Variants in STK3 observed in about 807,000 individuals in gnomAD.
STK3 encodes serine/threonine kinase 3.
Under a neutral mutation model 58.0 loss-of-function variants are expected in STK3, and 41 were observed. That is an observed-to-expected ratio of 0.71 (90% CI 0.55 to 0.92). STK3 has a LOEUF of 0.92. Among genes scored for constraint, STK3 ranks in the 40% least tolerant of loss-of-function variants. The probability of loss-of-function intolerance (pLI) is 0.00; values close to 1 mark genes in which losing one functional copy is unlikely to be tolerated. For missense variants in STK3, 479 were observed against 602.7 expected, an observed-to-expected ratio of 0.79 and a Z score of 2.15; for synonymous variants, 170 against 191.0, an observed-to-expected ratio of 0.89 and a Z score of 0.91.
intron 4 of STK3, among the ~76,000 whole-genome samples, chr8:98,737,576 A>G (rs1828709447): frequency 6.6e-6 from 1 of 152,254 alleles, no homozygotes; most frequent in South Asian, 2.1e-4. Flanking sequence ...TAACAAAAAT[A>G]TATGAGATAC....
intron 1 of STK3, chr8:98,883,951 C>G: frequency 2.0e-6 from 1 of 498,774 alleles, no homozygotes; most frequent in Admixed American, 3.2e-5. Flanking sequence ...GAGGGGAGAG[C>G]AAAGGAAGCA....
At chr8:98,932,359 C>T (rs1371123327) in intron 1 of STK3, among the ~76,000 whole-genome samples, 2 of 152,126 alleles carry the variant, frequency 1.3e-5, no homozygotes, top group Non-Finnish European at 2.9e-5. Context: ...TTTAAGGACC[C>T]ATGAAGGCTA....
At chr8:98,738,605 G>A (rs572418678) in intron 4 of STK3, among the ~76,000 whole-genome samples, 11 of 152,222 alleles carry the variant, frequency 7.2e-5, no homozygotes, top group East Asian at 3.9e-4. Context: ...TTCTGGATCC[G>A]GGAGCCAAGA....
Position 98,455,489 on chromosome 8 carries a change from T to C in STK3, c.*353A>G, listed in dbSNP as rs1819426060. ...AATAGCCTAGTATACTAGATAGGAA[T>C]AAAGAATATTGTAACATAAAGCCCT... On this transcript the variant is annotated 3_prime_UTR_variant, in exon 11 of 11. Transcript: ENST00000419617. 5.0e-6 allele frequency: 1 copy of C among 200,688 alleles called. No individual in the cohort carries two copies. Among genetic ancestry groups the C allele is most frequent in the South Asian group, 1.2e-4 (1 of 8,676 alleles). 12.4% of individuals were successfully genotyped at this position (200,688 alleles called of 1,614,324 possible).
intron 1 of STK3, among the ~76,000 whole-genome samples, chr8:98,818,262 C>A (rs1339590536): frequency 1.3e-5 from 2 of 152,170 alleles, no homozygotes; most frequent in Non-Finnish European, 2.9e-5. Flanking sequence ...CAAGCTACAA[C>A]AAGAGTGTAT....
chr8:98,700,696 A>G (rs972723717), intron 6 of STK3, among the ~76,000 whole-genome samples: 6 of 152,190 alleles, frequency 3.9e-5, no homozygotes, highest in Admixed American at 1.3e-4. Flanking sequence ...AACATTCAGT[A>G]TTGCATTGCA....
At chr8:98,474,832 T>G (rs759641215) in intron 10 of STK3, among the ~76,000 whole-genome samples, 5 of 152,232 alleles carry the variant, frequency 3.3e-5, no homozygotes, top group Non-Finnish European at 7.3e-5. Context: ...GCAATCATTT[T>G]TTAAATTTCT....
intron 4 of STK3, among the ~76,000 whole-genome samples, chr8:98,714,316 A>G (rs1161556382): frequency 2.0e-5 from 3 of 152,208 alleles, no homozygotes; most frequent in African/African-American, 7.2e-5. Flanking sequence ...AGGGTATTCA[A>G]TTAGGAAAAG....
At chr8:98,607,974 T>C (rs1325920657) in intron 6 of STK3, among the ~76,000 whole-genome samples, 1 of 152,148 alleles carries the variant, frequency 6.6e-6, no homozygotes, top group East Asian at 1.9e-4. Flanking sequence ...TGAATAAAGA[T>C]CTATTCCAAG....
chr8:98,876,146 G>A (rs1837553376), intron 3 of STK3, among the ~76,000 whole-genome samples: 1 of 152,180 alleles, frequency 6.6e-6, no homozygotes, highest in South Asian at 2.1e-4. Context: ...GGTACAACAT[G>A]GGAGCAGCTG....
chr8:98,460,906 C>T (rs1474046649), intron 10 of STK3, among the ~76,000 whole-genome samples: 1 of 152,098 alleles, frequency 6.6e-6, no homozygotes, highest in Admixed American at 6.5e-5. Flanking sequence ...TTGTTTTAGG[C>T]CTATCATATG....
intron 7 of STK3, among the ~76,000 whole-genome samples, chr8:98,589,064 T>A (rs888668419): frequency 2.5e-5 from 3 of 120,142 alleles, no homozygotes; most frequent in African/African-American, 9.4e-5. Flanking sequence ...TAGCTCAGAG[T>A]AATTTGATCG....
At chr8:98,548,747 C>T (rs1277908017) in intron 8 of STK3, among the ~76,000 whole-genome samples, 1 of 152,104 alleles carries the variant, frequency 6.6e-6, no homozygotes, top group African/African-American at 2.4e-5. Context: ...CTGGCAACCT[C>T]TATTGTACTT....
intron 6 of STK3, among the ~76,000 whole-genome samples, chr8:98,670,717 C>T (rs1401768707): frequency 1.3e-5 from 2 of 152,194 alleles, no homozygotes; most frequent in Non-Finnish European, 2.9e-5. Context: ...ATGGGCCCCC[C>T]CGATCCTGTG....
At chr8:98,630,086 G>T (rs1819065761) in intron 6 of STK3, among the ~76,000 whole-genome samples, 1 of 152,094 alleles carries the variant, frequency 6.6e-6, no homozygotes, top group South Asian at 2.1e-4. Context: ...TCTCCCCCAT[G>T]ATTTCCCTAG....
chr8:98,569,962 T>C lies in STK3; in HGVS notation c.948+9702A>G, dbSNP rs571764038. On this transcript the variant is annotated intron_variant, in intron 8 of 10. Transcript: ENST00000419617. ...GTATATTTATACACATTTTCAAATA[T>C]ATGTATACAAATATACATATCTATA... Among the ~76,000 whole-genome samples, 369 of 149,616 alleles carry C rather than the reference T, an allele frequency of 2.5e-3. 1 individual carries two copies. Among genetic ancestry groups the C allele is most frequent in the Non-Finnish European group, 4.6e-3 (310 of 67,468 alleles).
chr8:98,809,435 T>C (rs933866686), intron 1 of STK3, among the ~76,000 whole-genome samples: 10 of 152,160 alleles, frequency 6.6e-5, no homozygotes, highest in African/African-American at 2.4e-4. Context: ...GTGTCAGAAG[T>C]CTTATAAGTG....
At chr8:98,884,267 G>A (rs1225771413) in intron 1 of STK3, among the ~76,000 whole-genome samples, 3 of 152,044 alleles carry the variant, frequency 2.0e-5, no homozygotes, top group Non-Finnish European at 4.4e-5. Context: ...AAAACTTCAC[G>A]ATGATATTCT....
intron 1 of STK3, among the ~76,000 whole-genome samples, chr8:98,893,546 G>GAA (rs1564087663): frequency 7.2e-6 from 1 of 138,592 alleles, no homozygotes; most frequent in Non-Finnish European, 1.6e-5. Flanking sequence ...GAAAAAGAAA[G>GAA]AGAAAGAGAA....
Sources: allele counts gnomAD v4.1 joint callset (sites outside exome capture counted in the v4.1 genomes callset), GRCh38; gene constraint gnomAD v4.1.1; transcripts MANE v1.5; gene names NCBI Gene and HGNC (gene_info 2026-07-23, HGNC 2026-07-21).